Variants in COL6A3 observed in about 807,000 individuals in gnomAD.
COL6A3 encodes collagen alpha-3(VI) chain.
A neutral mutation model predicts 274.1 loss-of-function variants in COL6A3; 137 were observed. The observed-to-expected ratio is 0.50, with a 90% CI of 0.44 to 0.58. The LOEUF (loss-of-function observed/expected upper bound fraction) is 0.58, where lower values mean the gene tolerates loss of function less well. Ranked by LOEUF, COL6A3 falls within the 20% of genes least tolerant of loss-of-function variation. The pLI is 0.00. For synonymous variants in COL6A3, 1,650 were observed against 1,650.6 expected (o/e 1.00, Z 0.01); for missense variants, 3,950 against 4,124.9 (o/e 0.96, Z 1.16).
At chr2:237,386,852 C>T (rs2078155388) in intron 4 of COL6A3, among the ~76,000 whole-genome samples, 1 of 152,144 alleles carries the variant, frequency 6.6e-6, no homozygotes, top group African/African-American at 2.4e-5. Flanking sequence ...CATCCTGATG[C>T]CCCCACCATA....
chr2:237,394,750 T>C lies in COL6A3; in HGVS notation c.546A>G (p.Glu182=). ...CACTTGCTATTTCTTTTAACGCTCC[T>C]TCATCTGCATCCTCAACTCCAATTG... ...VFAIGVEDAD[E]GALKEIASEP... The change falls in exon 3 of 44, where the codon GAA becomes GAG. Residue 182 remains glutamate (E), a synonymous_variant. Coordinates refer to ENST00000295550, the MANE Select transcript of COL6A3 (RefSeq NM_004369.4). The C allele has an allele frequency of 6.2e-7, 1 of 1,614,224 alleles. No homozygotes were observed. The highest frequency in any genetic ancestry group is 8.5e-7 in the Non-Finnish European group (1 of 1,180,034).
At chr2:237,340,317 T>C (rs1307250377) in intron 38 of COL6A3, 135 bp downstream of exon 38, 3 of 811,776 alleles carry the variant, frequency 3.7e-6, no homozygotes, top group Non-Finnish European at 6.0e-6. Context: ...ATGGCAGGTG[T>C]CAATATATGT....
In COL6A3 at chr2:237,344,555, T is replaced by A; in HGVS notation, c.7463A>T (p.Glu2488Val). 6.2e-7 allele frequency: 1 copy of A among 1,614,164 alleles called. No homozygotes were observed. Among genetic ancestry groups the A allele is most frequent in the Non-Finnish European group, 8.5e-7 (1 of 1,180,020 alleles). ...CCTGGCCACAAACGACATGGCAGTCTCCAGACTCTGCTGTTTGGATGTCAG... is the reference window on the plus strand; with the variant it reads ...CCTGGCCACAAACGACATGGCAGTCACCAGACTCTGCTGTTTGGATGTCAG... ...VALTSKQQSL[E>V]TAMSFVARNT... The change falls in exon 36 of 44, where the codon GAG (glutamate) becomes GTG (valine). Residue 2488 changes from glutamate (E) to valine (V), a missense_variant. Coordinates refer to ENST00000295550, the MANE Select transcript of COL6A3 (RefSeq NM_004369.4). This position sits in a 1 kb window ranked among gnomAD's most constrained non-coding sequence, Gnocchi z 4.8.
At chr2:237,373,254 C>T (rs2077740385) in intron 8 of COL6A3, among the ~76,000 whole-genome samples, 2 of 152,338 alleles carry the variant, frequency 1.3e-5, no homozygotes, top group South Asian at 2.1e-4. Context: ...CAAAGTCCAT[C>T]CTCGGCAATC....
chr2:237,340,509 C>T lies in COL6A3; in HGVS notation c.8407G>A (p.Glu2803Lys), dbSNP rs781514010. 1.5e-5 allele frequency: 24 copies of T among 1,614,002 alleles called. No individual in the cohort carries two copies. In the African/African-American group the frequency reaches 1.7e-4, roughly 12 times the overall value. ...CGCATCAAAGGCTCCTCGTTGAGCT[C>T]GGTGGACTTGTCCACTAATTTGAAG... ...VFFKLVDKSTELNEEPLMRFG... is the reference protein window; with the variant it reads ...VFFKLVDKSTKLNEEPLMRFG... Residue 2803 changes from glutamate (E) to lysine (K), a missense_variant, in exon 38 of 44, where the codon GAG (glutamate) becomes AAG (lysine). Physicochemically the swap from Glu to Lys is moderately conservative, Grantham distance 56 (BLOSUM62 1). This residue lies in a region of COL6A3 where 1,284 missense variants were observed against 1,349.7 expected (regional missense o/e 0.95). Coordinates refer to ENST00000295550, the MANE Select transcript of COL6A3 (RefSeq NM_004369.4).
Position 237,371,675 on chromosome 2 carries a change from C to T in COL6A3, c.4285+57G>A. ...ATTATGAGTACCATGGCCTTTGAGC[C>T]TGTTATTTTTCATATGGAAAATGCT... On this transcript the variant is annotated intron_variant, in intron 9 of 43. Coordinates refer to ENST00000295550, the MANE Select transcript of COL6A3 (RefSeq NM_004369.4). This position sits in a 1 kb window ranked among gnomAD's most constrained non-coding sequence, Gnocchi z 4.3. 1 of 1,531,214 alleles carries T rather than the reference C, an allele frequency of 6.5e-7. No individual in the cohort carries two copies. 94.9% of individuals were successfully genotyped at this position (1,531,214 alleles called of 1,614,324 possible). A position where few individuals can be genotyped will look rare whatever the true frequency, so the allele number is the denominator to read the frequency against.
chr2:237,390,007 C>T (rs1326939348), intron 3 of COL6A3, among the ~76,000 whole-genome samples: 2 of 152,140 alleles, frequency 1.3e-5, no homozygotes, highest in Admixed American at 1.3e-4. Flanking sequence ...AAATGGCCTA[C>T]ATCATTGCAT....
chr2:237,344,890 A>T lies in COL6A3; in HGVS notation c.7175-47T>A, dbSNP rs1403868509. On this transcript the variant is annotated intron_variant, in intron 35 of 43. Coordinates refer to ENST00000295550, the MANE Select transcript of COL6A3 (RefSeq NM_004369.4). The surrounding 1 kb of genome is among the most constrained non-coding windows in gnomAD (Gnocchi z 4.8). ...GGGTTAAAGACAAACTGTACTTACT[A>T]CAAAAGGGAGGCTTCCTTTCCTTAG... 2 of 1,613,970 alleles carry T rather than the reference A, an allele frequency of 1.2e-6. No homozygotes were observed. The highest frequency in any genetic ancestry group is 2.7e-5 in the African/African-American group (2 of 74,938).
chr2:237,324,750 G>T lies in COL6A3; in HGVS notation c.*24C>A. 2 of 1,612,462 alleles carry T rather than the reference G, an allele frequency of 1.2e-6. No homozygotes were observed. Among genetic ancestry groups the T allele is most frequent in the Non-Finnish European group, 1.7e-6 (2 of 1,178,916 alleles). On this transcript the variant is annotated 3_prime_UTR_variant, in exon 44 of 44. Transcript: ENST00000295550. ...TGGCTGACTCCTTCTTCTTCAAGAG[G>T]TATATGATGTTGGCCACCCACGCTT...
rs2256485 is a variant in COL6A3, at chr2:237,345,287, A to G, written c.7093-74T>C. The G allele has an allele frequency of 0.11, 153,819 of 1,463,332 alleles. 8,403 individuals are homozygous for G. Among genetic ancestry groups the G allele is most frequent in the Admixed American group, 0.17 (10,013 of 59,472 alleles). 90.6% of individuals were successfully genotyped at this position (1,463,332 alleles called of 1,614,324 possible). A position where few individuals can be genotyped will look rare whatever the true frequency, so the allele number is the denominator to read the frequency against. On this transcript the variant is annotated intron_variant, in intron 32 of 43. Coordinates refer to ENST00000295550, the MANE Select transcript of COL6A3 (RefSeq NM_004369.4). ...CGAATAAACAGGCTTTGGCCCCCAG[A>G]AATACACAGAGCAAGACAAAGGGGC...
At chr2:237,347,703 G>T in intron 31 of COL6A3, 104 bp downstream of exon 31, 1 of 1,197,132 alleles carries the variant, frequency 8.4e-7, no homozygotes, top group Non-Finnish European at 1.2e-6. Flanking sequence ...TGCTATCCCT[G>T]GCCAGGGTGC....
At chr2:237,326,446 C>T (rs1699945877) in intron 42 of COL6A3, 1 of 152,178 alleles carries the variant, frequency 6.6e-6, no homozygotes, top group East Asian at 1.9e-4. Flanking sequence ...TTCCAATGCA[C>T]ACGTCTGATG....
At position 237,365,710 on chromosome 2, in the gene COL6A3, C is replaced by T. The variant is rs113283088; in HGVS notation, c.5826G>A (p.Pro1942=). 6.8e-6 allele frequency: 11 copies of T among 1,614,040 alleles called. No individual in the cohort carries two copies. The East Asian group carries it at 1.1e-4, about 16-fold the overall frequency. The part of the protein sequence containing the change: ...VYLNKFRQSS[P]DSVKVVIHFT... ...TGGCCCCACAGACCTTCACGCTGTCCGGCGAGGACTGTCTGAACTTGTTCA... is the reference window on the plus strand; with the variant it reads ...TGGCCCCACAGACCTTCACGCTGTCTGGCGAGGACTGTCTGAACTTGTTCA... The change falls in exon 12 of 44, where the codon CCG becomes CCA. Residue 1942 remains proline (P), a synonymous_variant. Coordinates refer to ENST00000295550, the MANE Select transcript of COL6A3 (RefSeq NM_004369.4).
In COL6A3 at chr2:237,407,779, G is replaced by A. The variant is rs767224057; in HGVS notation, c.-31+6174C>T. On this transcript the variant is annotated intron_variant, in intron 1 of 43. Transcript: ENST00000295550. The surrounding 1 kb of genome is among the most constrained non-coding windows in gnomAD (Gnocchi z 4.3). ...ACACATTCCACATTCTGAAATATAC[G>A]GCAGCCAGACAAGATTTTGTCTGCA... 1.7e-4 allele frequency among the ~76,000 whole-genome samples: 26 copies of A among 152,244 alleles called. No homozygotes were observed. Among genetic ancestry groups the A allele is most frequent in the African/African-American group, 2.6e-4 (11 of 41,552 alleles).
intron 42 of COL6A3, 70 bp downstream of exon 42, chr2:237,333,380 G>A: frequency 7.0e-7 from 1 of 1,436,944 alleles, no homozygotes; most frequent in Middle Eastern, 2.2e-4. Flanking sequence ...TAGAACCCAG[G>A]AAGTTAAATT....
chr2:237,413,108 G>A lies in COL6A3; in HGVS notation c.-31+845C>T, dbSNP rs1369123786. On this transcript the variant is annotated intron_variant, in intron 1 of 43. Coordinates refer to ENST00000295550, the MANE Select transcript of COL6A3 (RefSeq NM_004369.4). This position sits in a 1 kb window ranked among gnomAD's most constrained non-coding sequence, Gnocchi z 4.0. Reference sequence around the variant, plus strand: ...CAGCGAACGTGTCCATCCTCAGCAAGAGAGGGCCCGAGCCCCACCCTGCAT... The same window carrying A: ...CAGCGAACGTGTCCATCCTCAGCAAAAGAGGGCCCGAGCCCCACCCTGCAT... 6.6e-6 allele frequency among the ~76,000 whole-genome samples: 1 copy of A among 152,190 alleles called. No individual in the cohort carries two copies. The highest frequency in any genetic ancestry group is 2.4e-5 in the African/African-American group (1 of 41,454).
intron 1 of COL6A3, among the ~76,000 whole-genome samples, chr2:237,412,494 C>G (rs80107397): frequency 6.6e-6 from 1 of 152,212 alleles, no homozygotes; most frequent in African/African-American, 2.4e-5. Flanking sequence ...CAAGGAATTC[C>G]GCATCTCAGA....
chr2:237,392,246 T>A (rs1383334981), intron 3 of COL6A3, among the ~76,000 whole-genome samples: 1 of 152,228 alleles, frequency 6.6e-6, no homozygotes, highest in African/African-American at 2.4e-5. Context: ...CTCTTCTTCA[T>A]CAAGTTCTGC....
Position 237,381,349 on chromosome 2 carries a change from T to G in COL6A3, c.1463A>C (p.Gln488Pro), listed in dbSNP as rs765405960. 5 of 1,614,128 alleles carry G rather than the reference T, an allele frequency of 3.1e-6. No homozygotes were observed. The highest frequency in any genetic ancestry group is 2.5e-6 in the Non-Finnish European group (3 of 1,180,058). The stretch of plus-strand genomic sequence containing the variant: ...TTCAGGCCTCACAGTGTCTGCATAC[T>G]GGGCCACTGCCACCTGGATAAGATC... ...GQDLIQVAVA[Q>P]YADTVRPEFY... Residue 488 changes from glutamine to proline, a missense_variant, in exon 5 of 44, where the codon CAG (glutamine) becomes CCG (proline). By Grantham distance (76) the Gln-to-Pro change is moderately conservative. Coordinates refer to ENST00000295550, the MANE Select transcript of COL6A3 (RefSeq NM_004369.4).
Sources: gnomAD v4.1 joint callset for allele counts (sites outside exome capture counted in the v4.1 genomes callset) on GRCh38, gnomAD v4.1.1 for gene constraint, gnomAD v4.1.1 regional missense constraint, Gnocchi (gnomAD v3.1) non-coding constraint, MANE v1.5 for transcripts, NCBI Gene and HGNC (gene_info 2026-07-23, HGNC 2026-07-21) for gene names.